The following GNA14 variants were observed in gnomAD, a reference collection of about 807,000 sequenced individuals.
GNA14 encodes the protein guanine nucleotide-binding protein subunit alpha-14.
GNA14 carries 50 observed loss-of-function variants against 42.0 expected under a neutral mutation model. The ratio of observed to expected loss-of-function variants is 1.19; its 90% CI spans 0.95 to 1.51. The LOEUF (loss-of-function observed/expected upper bound fraction) is 1.51, where lower values mean the gene tolerates loss of function less well. GNA14 is among the 40% of genes most tolerant of loss of function. GNA14 has a pLI of 0.00. For missense variants in GNA14, 473 were observed against 446.2 expected (o/e 1.06, Z -0.54); for synonymous variants, 173 against 163.1 (o/e 1.06, Z -0.46).
At chr9:77,523,393 G>A (rs1163131959) in intron 2 of GNA14, among the ~76,000 whole-genome samples, 1 of 152,022 alleles carries the variant, frequency 6.6e-6, no homozygotes, top group Non-Finnish European at 1.5e-5. Flanking sequence ...GGGAGGAGGT[G>A]CCACACGCTT....
chr9:77,540,624 T>C (rs1486691786), intron 1 of GNA14, among the ~76,000 whole-genome samples: 1 of 152,152 alleles, frequency 6.6e-6, no homozygotes, highest in African/African-American at 2.4e-5. Context: ...TTAGATACAG[T>C]AATATTTGCT....
chr9:77,509,766 T>C (rs982972632), intron 2 of GNA14, among the ~76,000 whole-genome samples: 2 of 152,078 alleles, frequency 1.3e-5, no homozygotes, highest in African/African-American at 4.8e-5. Flanking sequence ...GTTTTTGTCA[T>C]TGAAAGTAAT....
intron 4 of GNA14, 110 bp downstream of exon 4, chr9:77,431,209 ACT>A: frequency 2.1e-6 from 2 of 942,576 alleles, no homozygotes; most frequent in South Asian, 4.1e-5. Flanking sequence ...AGAGAGGGTC[ACT>A]CTGTCCTAAG....
At chr9:77,440,038 GA>G (rs1835705615) in intron 2 of GNA14, among the ~76,000 whole-genome samples, 1 of 151,980 alleles carries the variant, frequency 6.6e-6, no homozygotes, top group Admixed American at 6.5e-5. Flanking sequence ...TCATTTAATT[GA>G]AAAAAATATC....
At chr9:77,522,201 C>G (rs568616111) in intron 2 of GNA14, among the ~76,000 whole-genome samples, 19 of 152,276 alleles carry the variant, frequency 1.2e-4, no homozygotes, top group Non-Finnish European at 2.5e-4. Flanking sequence ...ATTGTCTTAT[C>G]CATCAGAAGG....
intron 1 of GNA14, among the ~76,000 whole-genome samples, chr9:77,635,821 C>T (rs1056935788): frequency 3.3e-5 from 5 of 152,192 alleles, no homozygotes; most frequent in Admixed American, 1.3e-4. Flanking sequence ...CACCTGGCCC[C>T]GTGACATCTG....
At chr9:77,434,223 G>A (rs974910013) in intron 3 of GNA14, 145 bp downstream of exon 3, 5 of 698,784 alleles carry the variant, frequency 7.2e-6, no homozygotes, top group Non-Finnish European at 9.6e-6. Context: ...GGCACTAAGA[G>A]GTCAGGAGGG....
At chr9:77,622,437 G>A (rs534664930) in intron 1 of GNA14, among the ~76,000 whole-genome samples, 1 of 152,310 alleles carries the variant, frequency 6.6e-6, no homozygotes, top group Admixed American at 6.5e-5. Flanking sequence ...GTAGATGGGT[G>A]TGGGTACAGA....
chr9:77,452,096 G>A (rs1365503756), intron 2 of GNA14, among the ~76,000 whole-genome samples: 2 of 152,174 alleles, frequency 1.3e-5, no homozygotes, highest in Non-Finnish European at 1.5e-5. Flanking sequence ...ACACGATCCA[G>A]TAAGAGGCTG....
chr9:77,485,692 A>G (rs1836647828), intron 2 of GNA14, among the ~76,000 whole-genome samples: 1 of 152,214 alleles, frequency 6.6e-6, no homozygotes, highest in African/African-American at 2.4e-5. Context: ...ATGTTTTGTT[A>G]GCAACCATTT....
intron 1 of GNA14, among the ~76,000 whole-genome samples, chr9:77,622,744 A>T (rs1258549135): frequency 1.3e-5 from 2 of 150,328 alleles, no homozygotes; most frequent in Non-Finnish European, 3.0e-5. Context: ...AAAAAAGAAA[A>T]ATAGCCAGGC....
intron 1 of GNA14, among the ~76,000 whole-genome samples, chr9:77,561,571 G>A (rs905376238): frequency 1.3e-5 from 2 of 152,144 alleles, no homozygotes; most frequent in African/African-American, 4.8e-5. Context: ...GATGAACCTT[G>A]AAAATATTTG....
At chr9:77,600,507 T>C (rs1242884666) in intron 1 of GNA14, among the ~76,000 whole-genome samples, 2 of 152,182 alleles carry the variant, frequency 1.3e-5, no homozygotes, top group East Asian at 1.9e-4. Flanking sequence ...GCCCAAAAGA[T>C]ACAAACTCTC....
chr9:77,477,865 G>A (rs1564026190), intron 2 of GNA14, among the ~76,000 whole-genome samples: 1 of 151,968 alleles, frequency 6.6e-6, no homozygotes, highest in African/African-American at 2.4e-5. Context: ...GACAGGTGAG[G>A]AAAATTGAAG....
intron 2 of GNA14, among the ~76,000 whole-genome samples, chr9:77,449,595 A>G (rs995508084): frequency 2.6e-5 from 4 of 152,164 alleles, no homozygotes; most frequent in South Asian, 2.1e-4. Flanking sequence ...CAGTCCCTAC[A>G]TTCTCCCTGG....
Position 77,434,381 on chromosome 9 carries a change from C to CTGAGAGT in GNA14, c.450_451insACTCTCA (p.Asp151ThrfsTer11). 1 of 1,613,864 alleles carries CTGAGAGT rather than the reference C, an allele frequency of 6.2e-7. No individual in the cohort carries two copies. Among genetic ancestry groups the CTGAGAGT allele is most frequent in the Non-Finnish European group, 8.5e-7 (1 of 1,179,924 alleles). On this transcript the variant is annotated frameshift_variant, in exon 3 of 7. Coordinates refer to ENST00000341700, the MANE Select transcript of GNA14 (RefSeq NM_004297.4). LOFTEE classifies it high-confidence loss of function. ...CTCTGTACTCACTATTTGGCAGAGT[C>CTGAGAGT]CGACAGCTGGTACTCCCTCCTCCTG...
At chr9:77,480,574 G>A (rs562701488) in intron 2 of GNA14, among the ~76,000 whole-genome samples, 9 of 152,334 alleles carry the variant, frequency 5.9e-5, no homozygotes, top group Admixed American at 2.0e-4. Flanking sequence ...AAATGAGTTA[G>A]GGAGGGTTCC....
intron 1 of GNA14, among the ~76,000 whole-genome samples, chr9:77,620,507 CATAAT>C (rs1823902273): frequency 6.6e-6 from 1 of 152,172 alleles, no homozygotes; most frequent in Non-Finnish European, 1.5e-5. Flanking sequence ...TAGCAAATAT[CATAAT>C]ATAATTAACA....
At chr9:77,434,288 GTTCAGCGAGAAACTTCTTTGAA>G in intron 3 of GNA14, 58 bp downstream of exon 3, 2 of 1,329,096 alleles carry the variant, frequency 1.5e-6, no homozygotes, top group East Asian at 4.6e-5. Flanking sequence ...TTTCAGCAGC[GTTCAGCGAGAAACTTCTTTGAA>G]GTGTGGCCGA....
Sources: gnomAD v4.1 joint callset for allele counts (sites outside exome capture counted in the v4.1 genomes callset) on GRCh38, gnomAD v4.1.1 for gene constraint, MANE v1.5 for transcripts, NCBI Gene and HGNC (gene_info 2026-07-23, HGNC 2026-07-21) for gene names.